WDR72: variants seen among roughly 807,000 people sequenced by gnomAD.
WDR72 encodes WD repeat domain 72.
In WDR72, 120 loss-of-function variants were observed where a neutral mutation model predicts 124.2. That is an observed-to-expected ratio of 0.97 (90% CI 0.83 to 1.12). The LOEUF (loss-of-function observed/expected upper bound fraction) is 1.12, where lower values mean the gene tolerates loss of function less well. Among genes scored for constraint, WDR72 ranks in the 50% most tolerant of loss-of-function variants. The probability of loss-of-function intolerance (pLI) is 0.00; values close to 1 mark genes in which losing one functional copy is unlikely to be tolerated. For missense variants in WDR72, 1,387 were observed against 1,278.8 expected (o/e 1.08, Z -1.29); for synonymous variants, 452 against 441.7 (o/e 1.02, Z -0.29).
intron 12 of WDR72, among the ~76,000 whole-genome samples, chr15:53,700,909 G>A (rs990536022): frequency 6.6e-6 from 1 of 152,094 alleles, no homozygotes; most frequent in Admixed American, 6.5e-5. Flanking sequence ...GCAGCCCAAC[G>A]TGCTCCAGGA....
intron 14 of WDR72, among the ~76,000 whole-genome samples, chr15:53,638,927 C>T (rs538961636): frequency 1.2e-4 from 18 of 151,860 alleles, no homozygotes; most frequent in African/African-American, 4.1e-4. Flanking sequence ...TGCTTGAACC[C>T]GGGAGGGTTG....
At chr15:53,536,465 G>C (rs948593912) in intron 18 of WDR72, among the ~76,000 whole-genome samples, 11 of 152,020 alleles carry the variant, frequency 7.2e-5, no homozygotes, top group Admixed American at 7.2e-4. Context: ...TGTCTGAAAC[G>C]CTATGATCAT....
rs775567230 is a variant in WDR72, at chr15:53,705,249, A to C, written c.1103-16T>G. Reference sequence around the variant, plus strand: ...ACTGGTATCTCTAAAAAGAAAACAGACATAAAAAGAAAATTTGGTTTATCA... The same window carrying C: ...ACTGGTATCTCTAAAAAGAAAACAGCCATAAAAAGAAAATTTGGTTTATCA... On this transcript the variant is annotated splice_polypyrimidine_tract_variant and intron_variant, in intron 10 of 19. Coordinates refer to ENST00000360509, the MANE Select transcript of WDR72 (RefSeq NM_182758.4). The C allele has an allele frequency of 6.2e-7, 1 of 1,610,686 alleles. No homozygotes were observed. Among genetic ancestry groups the C allele is most frequent in the Non-Finnish European group, 8.5e-7 (1 of 1,179,914 alleles).
intron 18 of WDR72, among the ~76,000 whole-genome samples, chr15:53,594,252 T>C (rs1409610271): frequency 6.6e-6 from 1 of 151,462 alleles, no homozygotes; most frequent in East Asian, 1.9e-4. Flanking sequence ...ACCATCATCT[T>C]TTACTTTCCA....
At position 53,517,761 on chromosome 15, in the gene WDR72, A is replaced by C. The variant is rs17630660; in HGVS notation, c.3254-7T>G. ...GAATGATGCCTTGGCTCACCTAGGA[A>C]AAAAGCAGATATCTTGGGTTATATG... is the stretch of plus-strand genomic sequence containing the variant. On this transcript the variant is annotated splice_region_variant and splice_polypyrimidine_tract_variant and intron_variant, in intron 19 of 19. Transcript: ENST00000360509. 0.054 allele frequency: 87,020 copies of C among 1,611,992 alleles called. 2,523 individuals carry two copies. The highest frequency in any genetic ancestry group is 0.059 in the Non-Finnish European group (69,348 of 1,178,392).
chr15:53,730,381 C>A (rs1357028943), intron 2 of WDR72, among the ~76,000 whole-genome samples: 1 of 152,178 alleles, frequency 6.6e-6, no homozygotes, highest in Non-Finnish European at 1.5e-5. Context: ...GTCTCCCATA[C>A]TGGACTCCGA....
Position 53,654,834 on chromosome 15 carries a change from T to C in WDR72, c.1962+10738A>G, listed in dbSNP as rs114698904. ...TTCTGCTTCTATCTTACTAATTCCATCCTTGTTAACACCAGAAATTTAATT... is the reference window on the plus strand; with the variant it reads ...TTCTGCTTCTATCTTACTAATTCCACCCTTGTTAACACCAGAAATTTAATT... On this transcript the variant is annotated intron_variant, in intron 14 of 19. Transcript: ENST00000360509. Among the ~76,000 whole-genome samples the C allele has an allele frequency of 9.3e-3, 1,417 of 152,276 alleles. 21 individuals are homozygous for C. The highest frequency in any genetic ancestry group is 0.032 in the African/African-American group (1,321 of 41,554).
At chr15:53,687,014 A>G (rs1485629680) in intron 13 of WDR72, among the ~76,000 whole-genome samples, 3 of 151,130 alleles carry the variant, frequency 2.0e-5, no homozygotes, top group Middle Eastern at 3.4e-3. Context: ...TGAAACCAAC[A>G]AGAACAAAGA....
chr15:53,608,525 T>C (rs2013387410), intron 17 of WDR72, among the ~76,000 whole-genome samples: 1 of 152,042 alleles, frequency 6.6e-6, no homozygotes, highest in African/African-American at 2.4e-5. Flanking sequence ...AAGGCTGAGG[T>C]GGGAGGATCG....
At chr15:53,668,682 T>C (rs766315909) in intron 13 of WDR72, among the ~76,000 whole-genome samples, 1 of 151,768 alleles carries the variant, frequency 6.6e-6, no homozygotes, top group African/African-American at 2.4e-5. Flanking sequence ...GACGGGTGGA[T>C]CAGGTGAGTC....
chr15:53,609,324 G>A (rs1247940568), intron 17 of WDR72, among the ~76,000 whole-genome samples, 189 bp downstream of exon 17: 4 of 151,972 alleles, frequency 2.6e-5, no homozygotes, highest in African/African-American at 9.7e-5. Flanking sequence ...GGGCATTCAC[G>A]CTCCCCTAGT....
intron 9 of WDR72, among the ~76,000 whole-genome samples, chr15:53,708,386 C>T (rs1282877464): frequency 1.3e-5 from 2 of 152,140 alleles, no homozygotes; most frequent in Non-Finnish European, 2.9e-5. Context: ...AAAGCACCCG[C>T]TATATGGGAT....
intron 18 of WDR72, among the ~76,000 whole-genome samples, chr15:53,587,668 T>C (rs1185417861): frequency 1.3e-5 from 2 of 152,078 alleles, no homozygotes; most frequent in Non-Finnish European, 2.9e-5. Flanking sequence ...CGATTACTTT[T>C]TTTAAAATTT....
chr15:53,682,103 T>C (rs557112790), intron 13 of WDR72, among the ~76,000 whole-genome samples: 1 of 148,406 alleles, frequency 6.7e-6, no homozygotes, highest in African/African-American at 2.4e-5. Flanking sequence ...AATTTTACAA[T>C]GCACACCAGA....
chr15:53,551,441 T>C (rs1005352472), intron 18 of WDR72, among the ~76,000 whole-genome samples: 1 of 152,160 alleles, frequency 6.6e-6, no homozygotes, highest in East Asian at 1.9e-4. Context: ...TCTCAGCCTT[T>C]CTCTTTCCAG....
At chr15:53,604,459 A>G (rs118105178) in intron 17 of WDR72, among the ~76,000 whole-genome samples, 5,537 of 152,334 alleles carry the variant, frequency 0.036, 131 homozygotes, top group Non-Finnish European at 0.045. Flanking sequence ...AGCAACTGCA[A>G]CAAAAGCAAA....
Position 53,615,703 on chromosome 15 carries a change from TCAAAGAAATTCC to T in WDR72, c.2491_2502del (p.Gly831_Leu834del). ...AACATCAGTGAGAAATTATCTTCAT[TCAAAGAAATTCC>T]CAAAGAAATAGGACCCTGAAGCTTT... is the stretch of plus-strand genomic sequence containing the variant. On this transcript the variant is annotated inframe_deletion, in exon 15 of 20. Coordinates refer to ENST00000360509, the MANE Select transcript of WDR72 (RefSeq NM_182758.4). 1 of 1,612,238 alleles carries T rather than the reference TCAAAGAAATTCC, an allele frequency of 6.2e-7. No homozygotes were observed. The highest frequency in any genetic ancestry group is 8.5e-7 in the Non-Finnish European group (1 of 1,179,186).
chr15:53,600,464 G>A (rs1032535473), intron 17 of WDR72, among the ~76,000 whole-genome samples: 13 of 152,098 alleles, frequency 8.5e-5, no homozygotes, highest in African/African-American at 2.4e-4. Flanking sequence ...ATGAGGCAAT[G>A]TACACAGATT....
At chr15:53,717,970 A>C (rs1346393526) in intron 3 of WDR72, among the ~76,000 whole-genome samples, 1 of 152,260 alleles carries the variant, frequency 6.6e-6, no homozygotes, top group East Asian at 1.9e-4. Flanking sequence ...ATATTGAAAT[A>C]ATATATCTCA....
Sources: gnomAD v4.1 joint callset for allele counts (sites outside exome capture counted in the v4.1 genomes callset) on GRCh38, gnomAD v4.1.1 for gene constraint, MANE v1.5 for transcripts, NCBI Gene and HGNC (gene_info 2026-07-23, HGNC 2026-07-21) for gene names.